The following SYNE1 variants were observed in gnomAD, a reference collection of about 807,000 sequenced individuals.
SYNE1 encodes the protein spectrin repeat containing nuclear envelope protein 1.
In SYNE1, 616 loss-of-function variants were observed where a neutral mutation model predicts 1,111.0. The observed-to-expected ratio is 0.55, with a 90% CI of 0.52 to 0.59. The LOEUF is 0.59. SYNE1 is among the 20% of genes least tolerant of loss of function. The pLI is 0.00. For synonymous variants in SYNE1, 3,855 were observed against 3,825.8 expected, an observed-to-expected ratio of 1.01 and a Z score of -0.28; for missense variants, 10,006 against 10,417.0, an observed-to-expected ratio of 0.96 and a Z score of 1.72.
intron 120 of SYNE1, among the ~76,000 whole-genome samples, 157 bp from the exon 121 acceptor site, chr6:152,218,560 C>T (rs1001734821): frequency 6.6e-6 from 1 of 152,138 alleles, no homozygotes; most frequent in Non-Finnish European, 1.5e-5. Context: ...AAAGCTATAA[C>T]AATTTAAATC....
intron 25 of SYNE1, 41 bp from the exon 26 acceptor site, chr6:152,451,246 C>A (rs779568882): frequency 1.2e-5 from 20 of 1,602,138 alleles, no homozygotes; most frequent in Non-Finnish European, 1.6e-5. Context: ...GGATGAAGTT[C>A]CTGATTATGT....
Position 152,208,009 on chromosome 6 carries a change from G to A in SYNE1, c.22787C>T (p.Pro7596Leu). 6.2e-7 allele frequency: 1 copy of A among 1,614,102 alleles called. No homozygotes were observed. Among genetic ancestry groups the A allele is most frequent in the Non-Finnish European group, 8.5e-7 (1 of 1,180,016 alleles). ...PMSGLGSVPI[P>L]LQQARTLFDE... ...AAAGAGGGTCCTTGCTTGTTGCAGT[G>A]GTATAGGAACACTTCCGAGACCACT... The change falls in exon 125 of 146, where the codon CCA becomes CTA. Residue 7596 changes from proline (P) to leucine (L), a missense_variant. This residue lies in a region of SYNE1 where 2,182 missense variants were observed against 2,287.8 expected (regional missense o/e 0.95). Transcript: ENST00000367255.
rs367620422 is a variant in SYNE1, at chr6:152,303,797, C to A, written c.17347-1734G>T. Among the ~76,000 whole-genome samples the A allele has an allele frequency of 1.8e-4, 28 of 152,246 alleles. No individual in the cohort carries two copies. The South Asian group carries it at 4.4e-3, about 24-fold the overall frequency. On this transcript the variant is annotated intron_variant, in intron 91 of 145. Transcript: ENST00000367255. ...GAAGATCAACATGCAGAGATGCAAC[C>A]ATCCTTTTTGCTCCTCAAATATTTT... is the stretch of plus-strand genomic sequence containing the variant.
At position 152,217,408 on chromosome 6, in the gene SYNE1, A is replaced by G. The variant is rs201167370; in HGVS notation, c.22191+849T>C. 5.7e-4 allele frequency among the ~76,000 whole-genome samples: 67 copies of G among 118,484 alleles called. 1 individual carries two copies. In the South Asian group the frequency reaches 0.012, roughly 22 times the overall value. 77.7% of individuals were successfully genotyped at this position (118,484 alleles called of 152,430 possible). A position where few individuals can be genotyped will look rare whatever the true frequency, so the allele number is the denominator to read the frequency against. On this transcript the variant is annotated intron_variant, in intron 121 of 145. Transcript: ENST00000367255. The stretch of plus-strand genomic sequence containing the variant: ...AAGACTCCGTCACAAAAAAAAAAAA[A>G]GAAAAAAAAATTATTAAATTATTTT...
At chr6:152,593,475 G>A (rs1334908043) in intron 3 of SYNE1, among the ~76,000 whole-genome samples, 2 of 152,028 alleles carry the variant, frequency 1.3e-5, no homozygotes, top group Non-Finnish European at 2.9e-5. Flanking sequence ...CCAGCTATTC[G>A]GAAGGCTGAG....
chr6:152,403,534 A>T (rs561168636), intron 46 of SYNE1, among the ~76,000 whole-genome samples: 1 of 152,120 alleles, frequency 6.6e-6, no homozygotes, highest in Non-Finnish European at 1.5e-5. Flanking sequence ...CAGCCTTGGC[A>T]ACATGGCAAA....
At chr6:152,501,744 A>C (rs1300569589) in intron 10 of SYNE1, among the ~76,000 whole-genome samples, 1 of 152,170 alleles carries the variant, frequency 6.6e-6, no homozygotes, top group Non-Finnish European at 1.5e-5. Flanking sequence ...CACAAAAAAA[A>C]AAAAAAGGAA....
In SYNE1 at chr6:152,138,044, A is replaced by G. The variant is rs144417393; in HGVS notation, c.25459-1226T>C. On this transcript the variant is annotated intron_variant, in intron 140 of 145. Transcript: ENST00000367255. The stretch of plus-strand genomic sequence containing the variant: ...AATGCAACATGGCCTTACTAGAGTA[A>G]TTTAGGGACTCTAGATAAAAATGCA... Among the ~76,000 whole-genome samples, 534 of 152,230 alleles carry G rather than the reference A, an allele frequency of 3.5e-3. 1 individual carries two copies. Among genetic ancestry groups the G allele is most frequent in the Middle Eastern group, 6.8e-3 (2 of 294 alleles).
intron 1 of SYNE1, 132 bp from the exon 2 acceptor site, chr6:152,636,937 G>C (rs1265486731): frequency 6.6e-6 from 1 of 152,328 alleles, no homozygotes; most frequent in Non-Finnish European, 1.5e-5. Context: ...CGCCCTCCGC[G>C]ACCGGTTCCT....
intron 40 of SYNE1, 39 bp downstream of exon 40, chr6:152,419,530 A>C: frequency 6.3e-7 from 1 of 1,576,124 alleles, no homozygotes; most frequent in Non-Finnish European, 8.6e-7. Context: ...TTTATGAAGA[A>C]ATTCTTCTTC....
intron 128 of SYNE1, among the ~76,000 whole-genome samples, chr6:152,186,556 CAAAAAAAAAAAAAAAAAAAAAAA>C (rs59187571): frequency 0.024 from 927 of 38,080 alleles, 11 homozygotes; most frequent in Admixed American, 0.058. Flanking sequence ...AGCTCTGTGT[CAAAAAAAAAAAAAAAAAAAAAAA>C]AAAAAAAAAA....
At chr6:152,416,242 C>T in intron 41 of SYNE1, 145 bp downstream of exon 41, 1 of 1,133,564 alleles carries the variant, frequency 8.8e-7, no homozygotes, top group Non-Finnish European at 1.3e-6. Flanking sequence ...CTCAACTCAG[C>T]TTAATTTCTT....
chr6:152,315,955 C>T (rs1269562746), intron 87 of SYNE1: 3 of 152,084 alleles, frequency 2.0e-5, no homozygotes, highest in Non-Finnish European at 2.9e-5. Flanking sequence ...ATTTAAAGGC[C>T]ACAAGGATAC....
At chr6:152,150,063 C>T (rs901671401) in intron 135 of SYNE1, among the ~76,000 whole-genome samples, 4 of 152,124 alleles carry the variant, frequency 2.6e-5, no homozygotes, top group South Asian at 4.1e-4. Flanking sequence ...AAGAAATATC[C>T]CGATCATTTT....
intron 93 of SYNE1, among the ~76,000 whole-genome samples, chr6:152,296,113 C>A (rs1047715854): frequency 1.7e-4 from 26 of 152,214 alleles, no homozygotes; most frequent in African/African-American, 6.0e-4. Flanking sequence ...GACTTTGATC[C>A]TGATGACTGC....
chr6:152,389,770 C>T (rs973866444), intron 53 of SYNE1, among the ~76,000 whole-genome samples: 3 of 152,176 alleles, frequency 2.0e-5, no homozygotes, highest in Admixed American at 2.0e-4. Flanking sequence ...AGGATATGAG[C>T]TCTCTGTGCC....
At chr6:152,208,923 A>G (rs998373668) in intron 124 of SYNE1, among the ~76,000 whole-genome samples, 5 of 152,206 alleles carry the variant, frequency 3.3e-5, no homozygotes, top group Admixed American at 1.3e-4. Context: ...AGTTCAGGCT[A>G]AAGTATATCA....
intron 117 of SYNE1, 75 bp from the exon 118 acceptor site, chr6:152,221,634 A>C: frequency 6.3e-7 from 1 of 1,582,120 alleles, no homozygotes; most frequent in East Asian, 2.2e-5. Context: ...AGGAATTTGT[A>C]TATGTTTTCA....
intron 130 of SYNE1, among the ~76,000 whole-genome samples, chr6:152,170,754 G>A (rs1316624696): frequency 3.3e-5 from 5 of 152,162 alleles, no homozygotes; most frequent in African/African-American, 1.2e-4. Flanking sequence ...ACTCCCTCTG[G>A]GATGAGAGCT....
Sources: gnomAD v4.1 joint callset for allele counts (sites outside exome capture counted in the v4.1 genomes callset) on GRCh38, gnomAD v4.1.1 for gene constraint, gnomAD v4.1.1 regional missense constraint, MANE v1.5 for transcripts, NCBI Gene and HGNC (gene_info 2026-07-23, HGNC 2026-07-21) for gene names.